CORO2B: variants seen among roughly 807,000 people sequenced by gnomAD.
CORO2B encodes the protein coronin 2B.
A neutral mutation model predicts 58.8 loss-of-function variants in CORO2B; 26 were observed. That is an observed-to-expected ratio of 0.44 (90% CI 0.32 to 0.61). The LOEUF (loss-of-function observed/expected upper bound fraction) is 0.61, where lower values mean the gene tolerates loss of function less well. Ranked by LOEUF, CORO2B falls within the 20% of genes least tolerant of loss-of-function variation. The probability of loss-of-function intolerance (pLI) is 0.04; values close to 1 mark genes in which losing one functional copy is unlikely to be tolerated. For missense variants in CORO2B, 460 were observed against 645.1 expected, an observed-to-expected ratio of 0.71 and a Z score of 3.11; for synonymous variants, 242 against 253.8, an observed-to-expected ratio of 0.95 and a Z score of 0.44.
At chr15:68,648,977 T>C (rs955853105) in intron 2 of CORO2B, among the ~76,000 whole-genome samples, 4 of 152,246 alleles carry the variant, frequency 2.6e-5, no homozygotes, top group African/African-American at 9.6e-5. Context: ...TAGTACTCGA[T>C]TATTTTTACA....
At chr15:68,641,537 A>G (rs1203030755) in intron 1 of CORO2B, 1 of 985,178 alleles carries the variant, frequency 1.0e-6, no homozygotes, top group African/African-American at 1.7e-5. Context: ...GTCAGATGGG[A>G]AAACAGGCAC....
chr15:68,551,088 A>G, the CORO2B span, among the ~76,000 whole-genome samples: 2 of 152,128 alleles, frequency 1.3e-5, no homozygotes, highest in Non-Finnish European at 2.9e-5. Flanking sequence ...AAGAGGGCCC[A>G]GGCTGACCGC....
the CORO2B span, among the ~76,000 whole-genome samples, chr15:68,567,936 T>C: frequency 1.3e-5 from 2 of 152,196 alleles, no homozygotes; most frequent in African/African-American, 4.8e-5. Context: ...AGAGTATTGC[T>C]TGAACCCAGG....
At chr15:68,697,487 T>A (rs1332652709) in intron 3 of CORO2B, among the ~76,000 whole-genome samples, 3 of 152,188 alleles carry the variant, frequency 2.0e-5, no homozygotes. Flanking sequence ...TGAGGTCAGC[T>A]GGCACAGTAC....
At chr15:68,520,023 T>A in the CORO2B span, among the ~76,000 whole-genome samples, 3,075 of 152,368 alleles carry the variant, frequency 0.02, 115 homozygotes, top group African/African-American at 0.07. Context: ...TGTGATTTTT[T>A]AAATCTATGT....
intron 3 of CORO2B, among the ~76,000 whole-genome samples, chr15:68,696,192 G>C (rs1489001377): frequency 6.6e-6 from 1 of 151,546 alleles, no homozygotes; most frequent in Non-Finnish European, 1.5e-5. Flanking sequence ...CAAGGCTGCA[G>C]TGAGCTGTGA....
At chr15:68,550,229 G>T in the CORO2B span, among the ~76,000 whole-genome samples, 2 of 152,098 alleles carry the variant, frequency 1.3e-5, no homozygotes, top group Non-Finnish European at 2.9e-5. Context: ...AATACAGAGT[G>T]GGTCAGACCC....
intron 3 of CORO2B, among the ~76,000 whole-genome samples, chr15:68,699,140 T>C (rs1892582424): frequency 6.6e-6 from 1 of 151,918 alleles, no homozygotes; most frequent in African/African-American, 2.4e-5. Context: ...GGGAGAGTCA[T>C]CTGGTGTGAC....
intron 2 of CORO2B, among the ~76,000 whole-genome samples, chr15:68,650,837 C>T (rs1431327552): frequency 6.6e-6 from 1 of 152,170 alleles, no homozygotes; most frequent in Non-Finnish European, 1.5e-5. Flanking sequence ...GTTTCAGAGG[C>T]CCTACAGGCC....
intron 8 of CORO2B, 136 bp downstream of exon 8, chr15:68,715,447 G>T: frequency 1.6e-6 from 1 of 632,880 alleles, no homozygotes; most frequent in African/African-American, 1.8e-5. Context: ...AACAGAACCT[G>T]CAAGAGCTGG....
chr15:68,704,102 T>C (rs7183225), intron 3 of CORO2B, among the ~76,000 whole-genome samples: 91,612 of 150,142 alleles, frequency 0.61, 30,679 homozygotes, highest in East Asian at 0.88. Flanking sequence ...TAGCTGGTCA[T>C]GGTGGTGCGC....
In CORO2B at chr15:68,710,784, C is replaced by G. The variant is rs1457356153; in HGVS notation, c.386C>G (p.Ala129Gly). The G allele has an allele frequency of 1.2e-6, 2 of 1,612,226 alleles. No homozygotes were observed. The highest frequency in any genetic ancestry group is 1.7e-5 in the Admixed American group (1 of 59,802). ...GGGCTGAAGCGGAACATGACGGAGGCGCTCCTGGAGCTGCACGGGCACAGC... is the reference window on the plus strand; with the variant it reads ...GGGCTGAAGCGGAACATGACGGAGGGGCTCCTGGAGCTGCACGGGCACAGC... The part of the protein sequence containing the change: ...EGGLKRNMTE[A>G]LLELHGHSRR... The change falls in exon 4 of 12, where the codon GCG becomes GGG. Residue 129 changes from alanine to glycine, a missense_variant. Physicochemically the swap from Ala to Gly is moderately conservative, Grantham distance 60. Around this residue, in one of 2 missense-constraint regions of CORO2B, gnomAD observed 352 missense variants for 543.0 expected, o/e 0.65. Transcript: ENST00000261861. The surrounding 1 kb of genome is among the most constrained non-coding windows in gnomAD (Gnocchi z 4.1).
the CORO2B span, among the ~76,000 whole-genome samples, chr15:68,522,844 G>A: frequency 6.6e-6 from 1 of 152,094 alleles, no homozygotes; most frequent in African/African-American, 2.4e-5. Context: ...TTTCCTGCGT[G>A]TTTTTCTTGC....
upstream of CORO2B, among the ~76,000 whole-genome samples, chr15:68,575,850 C>T (rs1465112701): frequency 3.3e-5 from 5 of 151,588 alleles, no homozygotes; most frequent in Non-Finnish European, 7.4e-5. Context: ...TGTTAACAAT[C>T]GCACATATAA....
chr15:68,528,361 T>G, the CORO2B span, among the ~76,000 whole-genome samples: 1 of 152,116 alleles, frequency 6.6e-6, no homozygotes, highest in Non-Finnish European at 1.5e-5. Flanking sequence ...TACCACTGAG[T>G]TTTTTCAAGT....
intron 1 of CORO2B, among the ~76,000 whole-genome samples, chr15:68,642,324 C>T (rs1448632956): frequency 6.6e-6 from 1 of 152,178 alleles, no homozygotes; most frequent in African/African-American, 2.4e-5. Flanking sequence ...TCTTGTGACC[C>T]TTCCCCTTGT....
Position 68,725,961 on chromosome 15 carries a change from C to T in CORO2B, c.1430C>T (p.Pro477Leu). The T allele has an allele frequency of 2.5e-6, 4 of 1,613,774 alleles. No individual in the cohort carries two copies. The highest frequency in any genetic ancestry group is 3.4e-6 in the Non-Finnish European group (4 of 1,180,020). ...GAACTGAAAAACTTGCGCAACAGCC[C>T]CAAGAACTGTTAGCTCCCCAGCTGG... The part of the protein sequence containing the change: ...QLELKNLRNS[P>L]KNC Residue 477 changes from proline to leucine, a missense_variant, in exon 12 of 12, where the codon CCC (proline) becomes CTC (leucine). Around this residue, in one of 2 missense-constraint regions of CORO2B, gnomAD observed 108 missense variants for 102.1 expected, o/e 1.06. Coordinates refer to ENST00000261861, the MANE Select transcript of CORO2B (RefSeq NM_006091.5).
chr15:68,579,294 C>G lies in CORO2B; in HGVS notation c.15+17C>G. The G allele has an allele frequency of 7.8e-7, 1 of 1,288,572 alleles. No individual in the cohort carries two copies. The highest frequency in any genetic ancestry group is 9.9e-7 in the Non-Finnish European group (1 of 1,013,748). The allele number at this position is 1,288,572 out of a possible 1,614,324, so 79.8% of individuals were successfully genotyped here. On this transcript the variant is annotated intron_variant, in intron 1 of 11. Transcript: ENST00000261861. ...GTCACAAAGGTAAGCGCCGCTCGCC[C>G]GCCGCGCCCGGGACCCGCCGGCGCC...
At chr15:68,599,352 G>A (rs935906054) in intron 1 of CORO2B, among the ~76,000 whole-genome samples, 10 of 152,206 alleles carry the variant, frequency 6.6e-5, no homozygotes, top group African/African-American at 1.7e-4. Flanking sequence ...AGCGTGTCGC[G>A]CCACAGATCC....
Sources: allele counts gnomAD v4.1 joint callset (sites outside exome capture counted in the v4.1 genomes callset), GRCh38; gene constraint gnomAD v4.1.1; regional missense constraint gnomAD v4.1.1; non-coding constraint Gnocchi (gnomAD v3.1); transcripts MANE v1.5; gene names NCBI Gene and HGNC (gene_info 2026-07-23, HGNC 2026-07-21).